PCYT1A: variants seen among roughly 807,000 people sequenced by gnomAD.
The protein encoded by PCYT1A is phosphate cytidylyltransferase 1A, choline.
PCYT1A carries 25 observed loss-of-function variants against 43.7 expected under a neutral mutation model. That is an observed-to-expected ratio of 0.57 (90% CI 0.42 to 0.80). The LOEUF is 0.80. Among genes scored for constraint, PCYT1A ranks in the 30% least tolerant of loss-of-function variants. The pLI is 0.00. For missense variants in PCYT1A, 421 were observed against 474.2 expected, an observed-to-expected ratio of 0.89 and a Z score of 1.04; for synonymous variants, 172 against 170.7, an observed-to-expected ratio of 1.01 and a Z score of -0.06.
At chr3:196,257,756 T>G (rs1294607090) in intron 3 of PCYT1A, 32 bp downstream of exon 3, 1 of 1,304,000 alleles carries the variant, frequency 7.7e-7, no homozygotes, top group East Asian at 2.3e-5. Context: ...AAAACAATAG[T>G]CAAACAACAA....
Position 196,252,197 on chromosome 3 carries a change from G to A in PCYT1A, c.218-3874C>T, listed in dbSNP as rs1724826131. Among the ~76,000 whole-genome samples the A allele has an allele frequency of 6.6e-6, 1 of 152,164 alleles. No individual in the cohort carries two copies. Among genetic ancestry groups the A allele is most frequent in the Non-Finnish European group, 1.5e-5 (1 of 68,030 alleles). On this transcript the variant is annotated intron_variant, in intron 3 of 8. Transcript: ENST00000431016. This position sits in a 1 kb window ranked among gnomAD's most constrained non-coding sequence, Gnocchi z 4.0. The stretch of plus-strand genomic sequence containing the variant: ...ACACCACTACGCTCAGCTGATTTTT[G>A]TATTTTTTGTACAGATGGGGTTTCA...
chr3:196,241,405 C>T (rs968784574), intron 7 of PCYT1A: 4 of 673,374 alleles, frequency 5.9e-6, no homozygotes, highest in African/African-American at 5.6e-5. Flanking sequence ...CCAGACTGGT[C>T]TCAAACTCCT....
rs961150311 is a variant in PCYT1A at position 196,273,013 on chromosome 3, G to A, written c.-10-2472C>T. Reference sequence around the variant, plus strand: ...ACAAGCCAGGCACGGAGCGGCAAGAGGTGCACAGGCGAGCCAGCACAGGGT... The same window carrying A: ...ACAAGCCAGGCACGGAGCGGCAAGAAGTGCACAGGCGAGCCAGCACAGGGT... On this transcript the variant is annotated intron_variant, in intron 1 of 8. Coordinates refer to ENST00000431016, the MANE Select transcript of PCYT1A (RefSeq NM_001312673.2). This position sits in a 1 kb window ranked among gnomAD's most constrained non-coding sequence, Gnocchi z 4.1. Among the ~76,000 whole-genome samples, 3 of 152,220 alleles carry A rather than the reference G, an allele frequency of 2.0e-5. No individual in the cohort carries two copies. The South Asian group carries it at 6.2e-4, about 31-fold the overall frequency.
Position 196,237,167 on chromosome 3 carries a change from G to A in PCYT1A, c.*1521C>T, listed in dbSNP as rs566313636. ...AACACTAAAATTCCACCCCCACAAG[G>A]GGTATTTATGAGTGACAGGGGTGGG... On this transcript the variant is annotated 3_prime_UTR_variant, in exon 9 of 9. Transcript: ENST00000431016. 7 of 151,560 alleles carry A rather than the reference G, an allele frequency of 4.6e-5. No homozygotes were observed. Among genetic ancestry groups the A allele is most frequent in the African/African-American group, 1.4e-4 (6 of 41,414 alleles). The allele number at this position is 151,560 out of a possible 1,614,324, so 9.4% of individuals were successfully genotyped here. A position where few individuals can be genotyped will look rare whatever the true frequency, so the allele number is the denominator to read the frequency against.
Position 196,238,890 on chromosome 3 carries a change from T to C in PCYT1A, c.902A>G (p.His301Arg). 7.0e-7 allele frequency: 1 copy of C among 1,430,544 alleles called. No individual in the cohort carries two copies. 88.6% of individuals were successfully genotyped at this position (1,430,544 alleles called of 1,614,324 possible). Residue 301 changes from histidine to arginine, a missense_variant, in exon 9 of 9, where the codon CAT (histidine) becomes CGT (arginine). Physicochemically the swap from His to Arg is conservative, Grantham distance 29 (BLOSUM62 0). This residue lies in a region of PCYT1A where 174 missense variants were observed against 270.7 expected (regional missense o/e 0.64). Coordinates refer to ENST00000431016, the MANE Select transcript of PCYT1A (RefSeq NM_001312673.2). ...EMFGPEGALK[H>R]MLKEGKGRML... is the part of the protein sequence containing the mutation. ...CCGGCCCTTCCCCTCTTTCAGCATA[T>C]GTTTCTGCAGAAACCGAAAGGAAGA...
chr3:196,267,071 C>T (rs1480612841), intron 2 of PCYT1A, among the ~76,000 whole-genome samples: 9 of 149,806 alleles, frequency 6.0e-5, no homozygotes, highest in Admixed American at 5.4e-4. Flanking sequence ...CCCAGCTACC[C>T]GGGAGGGTGA....
intron 3 of PCYT1A, 132 bp downstream of exon 3, chr3:196,257,656 G>A (rs1424655203): frequency 3.4e-6 from 2 of 589,080 alleles, no homozygotes; most frequent in Non-Finnish European, 3.1e-6. Flanking sequence ...AGACAGGTGA[G>A]AAGAACCCCT....
At chr3:196,275,248 C>T (rs367725061) in intron 1 of PCYT1A, among the ~76,000 whole-genome samples, 44 of 152,232 alleles carry the variant, frequency 2.9e-4, no homozygotes, top group African/African-American at 1.0e-3. Context: ...TAAGTACAAA[C>T]TGAACCTGGA....
At chr3:196,279,616 G>A (rs1453045764) in intron 1 of PCYT1A, among the ~76,000 whole-genome samples, 1 of 152,118 alleles carries the variant, frequency 6.6e-6, no homozygotes, top group East Asian at 1.9e-4. Flanking sequence ...ACACATGCCT[G>A]CTGAGGCACA....
chr3:196,272,332 C>A (rs540005295), intron 1 of PCYT1A, among the ~76,000 whole-genome samples: 1 of 152,220 alleles, frequency 6.6e-6, no homozygotes, highest in East Asian at 1.9e-4. Context: ...TTACAGGCAC[C>A]CACCACCACG....
At chr3:196,261,807 G>A (rs1483538957) in intron 2 of PCYT1A, among the ~76,000 whole-genome samples, 2 of 151,094 alleles carry the variant, frequency 1.3e-5, no homozygotes, top group Non-Finnish European at 3.0e-5. Context: ...AAAAAAAAGA[G>A]ATATTTTAAG....
At chr3:196,244,411 C>T (rs1481785419) in intron 5 of PCYT1A, among the ~76,000 whole-genome samples, 1 of 150,772 alleles carries the variant, frequency 6.6e-6, no homozygotes, top group African/African-American at 2.4e-5. Flanking sequence ...AGCGCCACTG[C>T]CCCGCCGCCC....
At position 196,260,129 on chromosome 3, in the gene PCYT1A, G is replaced by A. The variant is rs1050557873; in HGVS notation, c.118-2242C>T. Among the ~76,000 whole-genome samples, 13 of 151,492 alleles carry A rather than the reference G, an allele frequency of 8.6e-5. No homozygotes were observed. In the East Asian group the frequency reaches 2.6e-3, roughly 30 times the overall value. ...GTAGAGACAGGGTTTCACCATGTCG[G>A]CCAGGCTGGTCTTGAACTCCTGGCC... On this transcript the variant is annotated intron_variant, in intron 2 of 8. Transcript: ENST00000431016.
intron 3 of PCYT1A, among the ~76,000 whole-genome samples, chr3:196,248,683 T>C (rs1724647516): frequency 6.6e-6 from 1 of 151,902 alleles, no homozygotes; most frequent in African/African-American, 2.4e-5. Context: ...CAAAAATACA[T>C]TGATTCGATA....
intron 1 of PCYT1A, among the ~76,000 whole-genome samples, chr3:196,286,207 C>T (rs1193046920): frequency 2.0e-5 from 3 of 152,054 alleles, no homozygotes; most frequent in African/African-American, 7.2e-5. Context: ...GGATTCCAGG[C>T]ATGCGCCACC....
chr3:196,245,055 C>T (rs1724516477), intron 5 of PCYT1A, among the ~76,000 whole-genome samples: 1 of 151,442 alleles, frequency 6.6e-6, no homozygotes, highest in African/African-American at 2.4e-5. Context: ...CTGCCAAATC[C>T]CCCTCTGCGA....
At chr3:196,270,318 A>C in intron 2 of PCYT1A, 97 bp downstream of exon 2, 16 of 776,004 alleles carry the variant, frequency 2.1e-5, no homozygotes, top group Non-Finnish European at 3.4e-5. Context: ...TACACTTACT[A>C]TTCCTTCTTT....
intron 2 of PCYT1A, among the ~76,000 whole-genome samples, chr3:196,265,165 G>A (rs1725229883): frequency 6.6e-6 from 1 of 152,026 alleles, no homozygotes; most frequent in Non-Finnish European, 1.5e-5. Flanking sequence ...CTGGGTTCAA[G>A]CCATTCTCCT....
rs1173104415 is a variant in PCYT1A, at chr3:196,239,586, A to C, written c.858T>G (p.Ile286Met). The change falls in exon 8 of 9, where the codon ATT (isoleucine) becomes ATG (methionine). Residue 286 changes from isoleucine (I) to methionine (M), a missense_variant. By Grantham distance (10) the Ile-to-Met change is conservative. Coordinates refer to ENST00000431016, the MANE Select transcript of PCYT1A (RefSeq NM_001312673.2). ...QKWEEKSREF[I>M]GSFLEMFGPE... is the part of the protein sequence containing the mutation. ...GACCAAACATTTCCAGAAAACTTCC[A>C]ATGAATTCTCGGGACTTCTCCTCCC... 1 of 1,613,354 alleles carries C rather than the reference A, an allele frequency of 6.2e-7. No homozygotes were observed. Among genetic ancestry groups the C allele is most frequent in the African/African-American group, 1.3e-5 (1 of 74,912 alleles).
Sources: gnomAD v4.1 joint callset for allele counts (sites outside exome capture counted in the v4.1 genomes callset) on GRCh38, gnomAD v4.1.1 for gene constraint, gnomAD v4.1.1 regional missense constraint, Gnocchi (gnomAD v3.1) non-coding constraint, MANE v1.5 for transcripts, NCBI Gene and HGNC (gene_info 2026-07-23, HGNC 2026-07-21) for gene names.